MMP24: variants seen among roughly 807,000 people sequenced by gnomAD.
The protein encoded by MMP24 is matrix metalloproteinase-24.
In MMP24, 25 loss-of-function variants were observed where a neutral mutation model predicts 62.8. That is an observed-to-expected ratio of 0.40 (90% CI 0.29 to 0.56). MMP24 has a LOEUF of 0.56. Ranked by LOEUF, MMP24 falls within the 20% of genes least tolerant of loss-of-function variation. MMP24 has a pLI of 0.50. For synonymous variants in MMP24, 319 were observed against 350.5 expected, an observed-to-expected ratio of 0.91 and a Z score of 1.00; for missense variants, 634 against 853.6, an observed-to-expected ratio of 0.74 and a Z score of 3.21.
intron 4 of MMP24, chr20:35,256,414 C>A (rs1233261592): frequency 6.6e-6 from 1 of 152,106 alleles, no homozygotes; most frequent in Non-Finnish European, 1.5e-5. Context: ...CACCTGGGAA[C>A]CATTTTTAAG....
intron 2 of MMP24, among the ~76,000 whole-genome samples, chr20:35,249,954 T>C (rs968503531): frequency 4.6e-5 from 7 of 151,948 alleles, no homozygotes; most frequent in African/African-American, 1.7e-4. Context: ...TTTTATTTTA[T>C]TTATTTATTT....
At chr20:35,233,267 T>C (rs2060446039) in intron 1 of MMP24, among the ~76,000 whole-genome samples, 1 of 152,072 alleles carries the variant, frequency 6.6e-6, no homozygotes, top group Non-Finnish European at 1.5e-5. Flanking sequence ...AAATTAGCTA[T>C]GCATGGTGGT....
rs199987897 is a variant in MMP24, at chr20:35,274,638, G to A, written c.*29G>A. On this transcript the variant is annotated 3_prime_UTR_variant, in exon 9 of 9. Coordinates refer to ENST00000246186, the MANE Select transcript of MMP24 (RefSeq NM_006690.4). This position sits in a 1 kb window ranked among gnomAD's most constrained non-coding sequence, Gnocchi z 5.1. The stretch of plus-strand genomic sequence containing the variant: ...GCCCAGAGCCCTCTCTATCCACTTG[G>A]TCTGGCCAGCCAGGCCCTTCCTCAC... 1.3e-6 allele frequency: 2 copies of A among 1,542,944 alleles called. No individual in the cohort carries two copies. The highest frequency in any genetic ancestry group is 4.7e-5 in the East Asian group (2 of 42,124).
chr20:35,272,579 C>G (rs2060677060), intron 8 of MMP24, among the ~76,000 whole-genome samples: 1 of 152,214 alleles, frequency 6.6e-6, no homozygotes, highest in Non-Finnish European at 1.5e-5. Context: ...AGAAGCCATG[C>G]TGGCCACCAG....
rs1210711377 is a variant in MMP24, at chr20:35,275,343, A to C, written c.*734A>C. The C allele has an allele frequency of 6.6e-6, 1 of 152,306 alleles. No homozygotes were observed. The highest frequency in any genetic ancestry group is 2.4e-5 in the African/African-American group (1 of 41,426). 9.4% of individuals were successfully genotyped at this position (152,306 alleles called of 1,614,324 possible). On this transcript the variant is annotated 3_prime_UTR_variant, in exon 9 of 9. Coordinates refer to ENST00000246186, the MANE Select transcript of MMP24 (RefSeq NM_006690.4). ...TTTTGCAAAGGCTGCTTGAGGCTTTAGGTGAACTAGAGGTGACTGTCTTGG... is the reference window on the plus strand; with the variant it reads ...TTTTGCAAAGGCTGCTTGAGGCTTTCGGTGAACTAGAGGTGACTGTCTTGG...
chr20:35,250,197 C>T (rs563362736), intron 2 of MMP24, among the ~76,000 whole-genome samples: 1 of 152,236 alleles, frequency 6.6e-6, no homozygotes, highest in East Asian at 1.9e-4. Context: ...CAAGCAATCT[C>T]CTGCCTCAGC....
chr20:35,273,987 G>C (rs543668201), intron 8 of MMP24, among the ~76,000 whole-genome samples: 1 of 152,312 alleles, frequency 6.6e-6, no homozygotes, highest in South Asian at 2.1e-4. Flanking sequence ...AGGCTTGCGT[G>C]CAAGGGGTCC....
At chr20:35,265,428 T>A (rs1239597445) in intron 5 of MMP24, among the ~76,000 whole-genome samples, 1 of 149,150 alleles carries the variant, frequency 6.7e-6, no homozygotes, top group African/African-American at 2.5e-5. Context: ...GGCGACAGAG[T>A]GAGACTCCGT....
At chr20:35,237,206 T>G (rs1247402385) in intron 1 of MMP24, among the ~76,000 whole-genome samples, 1 of 152,174 alleles carries the variant, frequency 6.6e-6, no homozygotes, top group African/African-American at 2.4e-5. Context: ...TTCTTACATT[T>G]CTGGAGGTCA....
chr20:35,266,140 C>G lies in MMP24; in HGVS notation c.980-1065C>G, dbSNP rs553442002. Among the ~76,000 whole-genome samples, 145 of 141,788 alleles carry G rather than the reference C, an allele frequency of 1.0e-3. 2 individuals are homozygous for G. The highest frequency in any genetic ancestry group is 3.6e-3 in the Middle Eastern group (1 of 274). The allele number at this position is 141,788 out of a possible 152,430, so 93.0% of individuals were successfully genotyped here. On this transcript the variant is annotated intron_variant, in intron 5 of 8. Coordinates refer to ENST00000246186, the MANE Select transcript of MMP24 (RefSeq NM_006690.4). ...ATCACTTGAGGTCAGGAGTTCAAGA[C>G]CAGCCTGGTCAACATGGTGAAACCC...
intron 4 of MMP24, among the ~76,000 whole-genome samples, chr20:35,258,162 C>T (rs1258500463): frequency 1.3e-5 from 2 of 152,152 alleles, no homozygotes; most frequent in African/African-American, 4.8e-5. Context: ...TATTTATCTA[C>T]CTTTTTTTGG....
At chr20:35,263,185 T>C (rs2060613370) in intron 4 of MMP24, 1 of 152,142 alleles carries the variant, frequency 6.6e-6, no homozygotes, top group African/African-American at 2.4e-5. Flanking sequence ...AGTGATTTAA[T>C]TGTATCACCA....
chr20:35,254,705 C>T lies in MMP24; in HGVS notation c.768C>T (p.Thr256=), dbSNP rs190477122. The change falls in exon 4 of 9, where the codon ACC becomes ACT. Residue 256 remains threonine, a synonymous_variant. Transcript: ENST00000246186. ...CTGGCCCAGGGATTGGAGGAGACAC[C>T]CACTTTGACTCCGATGAGCCATGGA... ...YFPGPGIGGD[T]HFDSDEPWTL... is the part of the protein sequence containing the mutation. 2.7e-3 allele frequency: 4,320 copies of T among 1,614,118 alleles called. 175 individuals carry two copies. In the Admixed American group the frequency reaches 0.063, roughly 24 times the overall value.
chr20:35,274,878 T>C lies in MMP24; in HGVS notation c.*269T>C, dbSNP rs2060695063. 3.6e-5 allele frequency: 17 copies of C among 471,576 alleles called. No individual in the cohort carries two copies. Among genetic ancestry groups the C allele is most frequent in the Non-Finnish European group, 6.1e-5 (16 of 263,202 alleles). The allele number at this position is 471,576 out of a possible 1,614,324, so 29.2% of individuals were successfully genotyped here. A position where few individuals can be genotyped will look rare whatever the true frequency, so the allele number is the denominator to read the frequency against. On this transcript the variant is annotated 3_prime_UTR_variant, in exon 9 of 9. Transcript: ENST00000246186. This position sits in a 1 kb window ranked among gnomAD's most constrained non-coding sequence, Gnocchi z 5.1. The stretch of plus-strand genomic sequence containing the variant: ...ACTTAAGGGAATAGGCCAGGCTCCA[T>C]CCGGAGGCAGGGACCATGCCAGGAG...
intron 7 of MMP24, among the ~76,000 whole-genome samples, chr20:35,270,272 T>C (rs2060661840): frequency 6.6e-6 from 1 of 152,154 alleles, no homozygotes; most frequent in Admixed American, 6.5e-5. Flanking sequence ...CCCAGCACTG[T>C]GCTAGGTTGT....
Position 35,251,929 on chromosome 20 carries a change from T to A in MMP24, c.420T>A (p.Gly140=). Residue 140 remains glycine (G), a synonymous_variant, in exon 3 of 9, where the codon GGT becomes GGA. Coordinates refer to ENST00000246186, the MANE Select transcript of MMP24 (RefSeq NM_006690.4). ...GGTGGATGAAGAAACCCCGATGTGG[T>A]GTCCCTGATCACCCCCACTTAAGCC... ...TIEWMKKPRC[G]VPDHPHLSRR... is the part of the protein sequence containing the mutation. The A allele has an allele frequency of 1.9e-6, 3 of 1,613,974 alleles. No homozygotes were observed. Among genetic ancestry groups the A allele is most frequent in the Non-Finnish European group, 2.5e-6 (3 of 1,179,888 alleles).
chr20:35,253,430 G>C (rs936268145), intron 3 of MMP24, among the ~76,000 whole-genome samples: 1 of 151,900 alleles, frequency 6.6e-6, no homozygotes, highest in Non-Finnish European at 1.5e-5. Flanking sequence ...GTTAGAAACT[G>C]AATAGACTCT....
intron 1 of MMP24, among the ~76,000 whole-genome samples, chr20:35,232,676 G>A (rs1429531883): frequency 6.6e-6 from 1 of 152,196 alleles, no homozygotes. Flanking sequence ...CCACAAAAAT[G>A]CATGGCATGT....
intron 4 of MMP24, among the ~76,000 whole-genome samples, 154 bp downstream of exon 4, chr20:35,254,908 C>A (rs1015767561): frequency 2.6e-5 from 4 of 152,154 alleles, no homozygotes; most frequent in African/African-American, 9.7e-5. Flanking sequence ...TGATAATATT[C>A]AACGTTCAAT....
Sources: gnomAD v4.1 joint callset for allele counts (sites outside exome capture counted in the v4.1 genomes callset) on GRCh38, gnomAD v4.1.1 for gene constraint, Gnocchi (gnomAD v3.1) non-coding constraint, MANE v1.5 for transcripts, NCBI Gene and HGNC (gene_info 2026-07-23, HGNC 2026-07-21) for gene names.